PRKD1: variants seen among roughly 807,000 people sequenced by gnomAD.
PRKD1 encodes the protein serine/threonine-protein kinase D1.
A neutral mutation model predicts 95.9 loss-of-function variants in PRKD1; 63 were observed. That is an observed-to-expected ratio of 0.66 (90% confidence interval 0.54 to 0.81). The LOEUF (loss-of-function observed/expected upper bound fraction) is 0.81, where lower values mean the gene tolerates loss of function less well. PRKD1 is among the 30% of genes least tolerant of loss of function. PRKD1 has a pLI of 0.00. For missense variants in PRKD1, 1,048 were observed against 1,165.3 expected (o/e 0.90, Z 1.47); for synonymous variants, 425 against 423.1 (o/e 1.00, Z -0.05).
intron 2 of PRKD1, 148 bp from the exon 3 acceptor site, chr14:29,666,356 G>T: frequency 2.6e-6 from 2 of 775,422 alleles, no homozygotes; most frequent in Non-Finnish European, 3.7e-6. Context: ...TGCACTTTCA[G>T]CCATTAGACA....
chr14:29,632,994 A>G (rs1457693082), intron 8 of PRKD1, 48 bp from the exon 9 acceptor site: 2 of 1,495,322 alleles, frequency 1.3e-6, no homozygotes, highest in East Asian at 2.3e-5. Context: ...CTTTAAAAAT[A>G]TCCCCAATTG....
intron 1 of PRKD1, among the ~76,000 whole-genome samples, chr14:29,786,938 C>G (rs1281243900): frequency 6.6e-6 from 1 of 151,722 alleles, no homozygotes; most frequent in Non-Finnish European, 1.5e-5. Context: ...TTATTTGAAA[C>G]TTTTTACTTT....
At chr14:29,756,209 A>G (rs1191289634) in intron 1 of PRKD1, among the ~76,000 whole-genome samples, 1 of 152,152 alleles carries the variant, frequency 6.6e-6, no homozygotes, top group Admixed American at 6.6e-5. Flanking sequence ...AGATTTCCAA[A>G]AGTGACACAA....
At chr14:29,728,397 T>C (rs1886271597) in intron 1 of PRKD1, among the ~76,000 whole-genome samples, 1 of 152,108 alleles carries the variant, frequency 6.6e-6, no homozygotes, top group Non-Finnish European at 1.5e-5. Context: ...ATGAGACATT[T>C]TCATCAACCC....
chr14:29,826,700 C>CACACAT (rs377377299), intron 1 of PRKD1, among the ~76,000 whole-genome samples: 2 of 28,738 alleles, frequency 7.0e-5, no homozygotes, highest in African/African-American at 2.2e-4. Flanking sequence ...CATATATATA[C>CACACAT]ATATATACAC....
chr14:29,724,725 G>A (rs966624460), intron 2 of PRKD1, among the ~76,000 whole-genome samples: 1 of 152,162 alleles, frequency 6.6e-6, no homozygotes, highest in African/African-American at 2.4e-5. Context: ...TATTCAAAGA[G>A]ATGGTAAACA....
chr14:29,737,670 C>A (rs190934357), intron 1 of PRKD1, among the ~76,000 whole-genome samples: 1 of 152,258 alleles, frequency 6.6e-6, no homozygotes, highest in Non-Finnish European at 1.5e-5. Flanking sequence ...AGTGTTCTAA[C>A]AAGAATGCCT....
intron 2 of PRKD1, among the ~76,000 whole-genome samples, chr14:29,690,614 T>C (rs1053438909): frequency 2.0e-5 from 3 of 152,160 alleles, no homozygotes; most frequent in African/African-American, 7.2e-5. Flanking sequence ...TCCAATATAT[T>C]CTCAATGCTA....
intron 1 of PRKD1, among the ~76,000 whole-genome samples, chr14:29,756,441 A>T (rs1887700375): frequency 6.6e-6 from 1 of 152,178 alleles, no homozygotes; most frequent in Admixed American, 6.5e-5. Flanking sequence ...AGAATTTTTA[A>T]ATATGCATGC....
chr14:29,712,275 G>A (rs897679611), intron 2 of PRKD1, among the ~76,000 whole-genome samples: 4 of 151,988 alleles, frequency 2.6e-5, no homozygotes, highest in African/African-American at 9.7e-5. Context: ...CCCCTAAATA[G>A]GGGACTAACT....
At chr14:29,735,460 A>T (rs1354661783) in intron 1 of PRKD1, among the ~76,000 whole-genome samples, 1 of 152,206 alleles carries the variant, frequency 6.6e-6, no homozygotes, top group East Asian at 1.9e-4. Flanking sequence ...TCTGATGTAA[A>T]GAGTAGAGAA....
chr14:29,895,070 G>A (rs1223707777), intron 1 of PRKD1, among the ~76,000 whole-genome samples: 4 of 152,268 alleles, frequency 2.6e-5, no homozygotes, highest in East Asian at 1.9e-4. Context: ...TGTGGCTCAC[G>A]CCTGTAATCC....
intron 13 of PRKD1, among the ~76,000 whole-genome samples, chr14:29,623,075 A>C (rs1879383558): frequency 6.6e-6 from 1 of 152,222 alleles, no homozygotes; most frequent in Non-Finnish European, 1.5e-5. Context: ...ACTGATTAGC[A>C]GATACTAAGA....
chr14:29,871,336 A>T lies in PRKD1; in HGVS notation c.264+55913T>A, dbSNP rs139038647. On this transcript the variant is annotated intron_variant, in intron 1 of 17. Transcript: ENST00000331968. ...GATAATATAATTTTTTAGGATAAAAACTATACAATTTGACTTTAGAAAAAA... is the reference window on the plus strand; with the variant it reads ...GATAATATAATTTTTTAGGATAAAATCTATACAATTTGACTTTAGAAAAAA... Among the ~76,000 whole-genome samples, 145 of 152,334 alleles carry T rather than the reference A, an allele frequency of 9.5e-4. 3 individuals are homozygous for T. The highest frequency in any genetic ancestry group is 3.4e-3 in the African/African-American group (140 of 41,590).
intron 2 of PRKD1, among the ~76,000 whole-genome samples, chr14:29,704,046 G>A (rs1255100029): frequency 6.6e-6 from 1 of 152,100 alleles, no homozygotes; most frequent in Non-Finnish European, 1.5e-5. Context: ...AGGTAATACT[G>A]AATATTTCCA....
Position 29,900,978 on chromosome 14 carries a change from T to C in PRKD1, c.264+26271A>G, listed in dbSNP as rs867199980. On this transcript the variant is annotated intron_variant, in intron 1 of 17. Coordinates refer to ENST00000331968, the MANE Select transcript of PRKD1 (RefSeq NM_002742.3). ...AAGCTACCATTTGACCCAGCAATCCTCCTACTGGGTATATGCCCAAAAGAA... is the reference window on the plus strand; with the variant it reads ...AAGCTACCATTTGACCCAGCAATCCCCCTACTGGGTATATGCCCAAAAGAA... Among the ~76,000 whole-genome samples, 34 of 152,296 alleles carry C rather than the reference T, an allele frequency of 2.2e-4. 1 individual carries two copies. The Middle Eastern group carries it at 0.017, about 76-fold the overall frequency.
intron 1 of PRKD1, among the ~76,000 whole-genome samples, chr14:29,895,939 T>C (rs1246652870): frequency 3.3e-5 from 5 of 152,324 alleles, no homozygotes; most frequent in African/African-American, 1.2e-4. Flanking sequence ...ACTAATTATA[T>C]TTAACTTTCT....
chr14:29,779,600 C>T (rs551136112), intron 1 of PRKD1, among the ~76,000 whole-genome samples: 1 of 151,920 alleles, frequency 6.6e-6, no homozygotes, highest in Non-Finnish European at 1.5e-5. Flanking sequence ...GGACCTCTTC[C>T]AGGAGAACTA....
intron 1 of PRKD1, among the ~76,000 whole-genome samples, chr14:29,882,793 C>T (rs1302991591): frequency 6.6e-6 from 1 of 152,166 alleles, no homozygotes; most frequent in Non-Finnish European, 1.5e-5. Context: ...ATAACATCCT[C>T]AAGATTCATC....
Sources: gnomAD v4.1 joint callset for allele counts (sites outside exome capture counted in the v4.1 genomes callset) on GRCh38, gnomAD v4.1.1 for gene constraint, MANE v1.5 for transcripts, NCBI Gene and HGNC (gene_info 2026-07-23, HGNC 2026-07-21) for gene names.